Variants in PACS1 observed in about 807,000 individuals in gnomAD.
PACS1 encodes the protein PACS-1.
In PACS1, 24 loss-of-function variants were observed where a neutral mutation model predicts 115.0. The observed-to-expected ratio is 0.21, with a 90% CI of 0.15 to 0.29. PACS1 has a LOEUF of 0.29. Ranked by LOEUF, PACS1 falls within the 10% of genes least tolerant of loss-of-function variation. The pLI, the probability that PACS1 is intolerant of heterozygous loss-of-function variation, is 1.00. For synonymous variants in PACS1, 453 were observed against 504.5 expected, an observed-to-expected ratio of 0.90 and a Z score of 1.37; for missense variants, 838 against 1,251.2, an observed-to-expected ratio of 0.67 and a Z score of 4.98.
chr11:66,080,614 C>A (rs562204282), intron 1 of PACS1, among the ~76,000 whole-genome samples: 4 of 152,134 alleles, frequency 2.6e-5, no homozygotes, highest in Non-Finnish European at 5.9e-5. Flanking sequence ...TAAGACTACA[C>A]AGTTTAAAAG....
intron 1 of PACS1, among the ~76,000 whole-genome samples, chr11:66,096,560 A>G (rs186714373): frequency 5.7e-4 from 86 of 149,932 alleles, no homozygotes; most frequent in African/African-American, 1.8e-3. Flanking sequence ...CTGGAGTGCA[A>G]TGGCGTGATC....
chr11:66,132,933 G>A (rs931491836), intron 1 of PACS1, among the ~76,000 whole-genome samples: 1 of 152,208 alleles, frequency 6.6e-6, no homozygotes, highest in East Asian at 1.9e-4. Flanking sequence ...CTCCCAAAGT[G>A]CTGGGATTAC....
intron 1 of PACS1, among the ~76,000 whole-genome samples, chr11:66,185,563 C>T (rs535649208): frequency 2.4e-4 from 37 of 152,198 alleles, no homozygotes; most frequent in Non-Finnish European, 4.4e-4. Context: ...ATGAAAAGGA[C>T]GGGAGGGGAG....
At chr11:66,072,427 A>T (rs1857324646) in intron 1 of PACS1, among the ~76,000 whole-genome samples, 1 of 152,154 alleles carries the variant, frequency 6.6e-6, no homozygotes, top group Admixed American at 6.6e-5. Context: ...TGCCGCTCGC[A>T]GGGTATAGAT....
chr11:66,238,593 C>G, intron 19 of PACS1: 1 of 533,248 alleles, frequency 1.9e-6, no homozygotes, highest in South Asian at 2.2e-5. Flanking sequence ...CTCCGCCTCT[C>G]AGGTTCAAGC....
At chr11:66,086,909 C>T (rs1857580057) in intron 1 of PACS1, among the ~76,000 whole-genome samples, 1 of 152,010 alleles carries the variant, frequency 6.6e-6, no homozygotes, top group Non-Finnish European at 1.5e-5. Flanking sequence ...GGGGCCGGCC[C>T]CAAACACCTT....
At chr11:66,077,542 C>CA (rs1317105691) in intron 1 of PACS1, among the ~76,000 whole-genome samples, 6 of 152,054 alleles carry the variant, frequency 3.9e-5, no homozygotes, top group Admixed American at 3.9e-4. Flanking sequence ...GCCTGGGCAA[C>CA]AGAGTAAGAC....
intron 1 of PACS1, among the ~76,000 whole-genome samples, chr11:66,148,490 T>A (rs1463627505): frequency 2.0e-5 from 3 of 152,232 alleles, no homozygotes; most frequent in Admixed American, 2.0e-4. Flanking sequence ...CTTAGCACTT[T>A]CAGTTTTAAG....
At chr11:66,122,592 A>C (rs2134564127) in intron 1 of PACS1, among the ~76,000 whole-genome samples, 1 of 152,344 alleles carries the variant, frequency 6.6e-6, no homozygotes, top group African/African-American at 2.4e-5. Context: ...GAGGAGGTCA[A>C]AGTATCAACA....
intron 22 of PACS1, 150 bp downstream of exon 22, chr11:66,241,803 C>G (rs779978520): frequency 6.9e-5 from 44 of 637,524 alleles, no homozygotes; most frequent in Non-Finnish European, 9.9e-5. Flanking sequence ...AGTCCCACCT[C>G]CCCTCGAGGG....
At chr11:66,117,622 G>C (rs141673686) in intron 1 of PACS1, among the ~76,000 whole-genome samples, 3 of 152,028 alleles carry the variant, frequency 2.0e-5, no homozygotes, top group South Asian at 2.1e-4. Context: ...CGAGGCAGGC[G>C]GATCACCTGA....
chr11:66,173,937 A>G (rs1859794626), intron 1 of PACS1, among the ~76,000 whole-genome samples: 1 of 152,134 alleles, frequency 6.6e-6, no homozygotes, highest in Non-Finnish European at 1.5e-5. Flanking sequence ...CTGTAATCCC[A>G]GCTACTCAGG....
At chr11:66,127,327 G>A (rs535374491) in intron 1 of PACS1, among the ~76,000 whole-genome samples, 2 of 152,286 alleles carry the variant, frequency 1.3e-5, no homozygotes, top group East Asian at 1.9e-4. Context: ...CTGCTTCACC[G>A]TTCCTGTTTC....
intron 1 of PACS1, among the ~76,000 whole-genome samples, chr11:66,176,590 T>G (rs1859868640): frequency 6.6e-6 from 1 of 152,122 alleles, no homozygotes; most frequent in Non-Finnish European, 1.5e-5. Flanking sequence ...ATTTTTGTAT[T>G]TTTTATAAAG....
intron 2 of PACS1, among the ~76,000 whole-genome samples, chr11:66,209,851 G>A (rs544324606): frequency 2.0e-5 from 3 of 152,094 alleles, no homozygotes; most frequent in East Asian, 1.9e-4. Context: ...GTTGCAGTGC[G>A]CCGAGATCAC....
Position 66,236,207 on chromosome 11 carries a change from T to C in PACS1, c.2250+267T>C, listed in dbSNP as rs1855700231. Among the ~76,000 whole-genome samples the C allele has an allele frequency of 6.6e-6, 1 of 152,150 alleles. No individual in the cohort carries two copies. The highest frequency in any genetic ancestry group is 1.5e-5 in the Non-Finnish European group (1 of 68,022). On this transcript the variant is annotated intron_variant, in intron 19 of 23. Coordinates refer to ENST00000320580, the MANE Select transcript of PACS1 (RefSeq NM_018026.4). The surrounding 1 kb of genome is among the most constrained non-coding windows in gnomAD (Gnocchi z 4.2). ...AGAATGGCTTGGCCCCAAGTGTCAG[T>C]AGTGCAGAGGTGGAGAAACCCTGGG...
chr11:66,073,716 G>T (rs1480769741), intron 1 of PACS1, among the ~76,000 whole-genome samples: 1 of 152,014 alleles, frequency 6.6e-6, no homozygotes, highest in East Asian at 1.9e-4. Context: ...GGTTTTAAAA[G>T]AATGAAATTG....
chr11:66,156,500 C>G (rs1334691763), intron 1 of PACS1, among the ~76,000 whole-genome samples: 2 of 151,750 alleles, frequency 1.3e-5, no homozygotes, highest in Admixed American at 1.3e-4. Flanking sequence ...CCGTCTTGGC[C>G]TCTCAAAGTG....
chr11:66,223,587 C>T (rs1855406324), intron 10 of PACS1, among the ~76,000 whole-genome samples: 1 of 152,124 alleles, frequency 6.6e-6, no homozygotes, highest in Non-Finnish European at 1.5e-5. Flanking sequence ...GCAAACCCTA[C>T]CCCTGGCCAT....
Sources: allele counts gnomAD v4.1 joint callset (sites outside exome capture counted in the v4.1 genomes callset), GRCh38; gene constraint gnomAD v4.1.1; non-coding constraint Gnocchi (gnomAD v3.1); transcripts MANE v1.5; gene names NCBI Gene and HGNC (gene_info 2026-07-23, HGNC 2026-07-21).